EYS: variants seen among roughly 807,000 people sequenced by gnomAD.
The protein encoded by EYS is protein eyes shut homolog.
EYS carries 250 observed loss-of-function variants against 282.1 expected under a neutral mutation model. The observed-to-expected ratio is 0.89, with a 90% CI of 0.80 to 0.98. EYS has a LOEUF of 0.98. EYS is among the 50% of genes least tolerant of loss of function. The pLI is 0.00. For missense variants in EYS, 4,016 were observed against 3,709.0 expected (o/e 1.08, Z -2.15); for synonymous variants, 1,355 against 1,282.9 (o/e 1.06, Z -1.20).
At chr6:65,026,670 C>A (rs552988430) in intron 13 of EYS, among the ~76,000 whole-genome samples, 1 of 152,222 alleles carries the variant, frequency 6.6e-6, no homozygotes, top group South Asian at 2.1e-4. Flanking sequence ...GTAATCCCAG[C>A]ACTTTGGGAG....
intron 2 of EYS, among the ~76,000 whole-genome samples, chr6:65,614,153 A>G (rs1005777581): frequency 1.3e-5 from 2 of 151,996 alleles, no homozygotes; most frequent in Non-Finnish European, 2.9e-5. Context: ...TAATAACTAC[A>G]CATTTCATAA....
At chr6:63,726,005 A>G (rs1037710063) in intron 42 of EYS, among the ~76,000 whole-genome samples, 3 of 152,284 alleles carry the variant, frequency 2.0e-5, no homozygotes, top group African/African-American at 7.2e-5. Context: ...AAATTTTAAA[A>G]CACTAATTGG....
At chr6:64,898,366 G>A (rs575567991) in intron 18 of EYS, among the ~76,000 whole-genome samples, 2 of 152,008 alleles carry the variant, frequency 1.3e-5, no homozygotes, top group African/African-American at 2.4e-5. Flanking sequence ...ATTCACAAGT[G>A]AAGGAGAAAT....
intron 31 of EYS, among the ~76,000 whole-genome samples, chr6:64,116,334 T>G (rs912900554): frequency 4.6e-5 from 7 of 152,064 alleles, no homozygotes; most frequent in Non-Finnish European, 1.0e-4. Context: ...AACTTCGTAG[T>G]CCAGGAAAGA....
At chr6:64,338,152 A>G (rs1179533808) in intron 29 of EYS, among the ~76,000 whole-genome samples, 2 of 152,036 alleles carry the variant, frequency 1.3e-5, no homozygotes, top group East Asian at 3.9e-4. Flanking sequence ...AGAGAAGGAA[A>G]TAAAGGGCAT....
At chr6:64,845,147 C>T (rs1000268546) in intron 19 of EYS, among the ~76,000 whole-genome samples, 3 of 151,816 alleles carry the variant, frequency 2.0e-5, no homozygotes, top group East Asian at 1.9e-4. Flanking sequence ...AAAAATTAGA[C>T]GATTATGGTG....
rs74699189 is a variant in EYS at position 64,875,372 on chromosome 6, T to C, written c.2992+11325A>G. Among the ~76,000 whole-genome samples the C allele has an allele frequency of 1.7e-4, 26 of 152,212 alleles. No homozygotes were observed. The East Asian group carries it at 4.8e-3, about 28-fold the overall frequency. On this transcript the variant is annotated intron_variant, in intron 19 of 42. Transcript: ENST00000503581. Reference sequence around the variant, plus strand: ...GCTTTTGTGATTACATATGGCAATGTAATCTTGTATTTTGAGTTCTCACTT... The same window carrying C: ...GCTTTTGTGATTACATATGGCAATGCAATCTTGTATTTTGAGTTCTCACTT...
intron 1 of EYS, among the ~76,000 whole-genome samples, chr6:65,656,684 C>A (rs1392702372): frequency 3.3e-5 from 5 of 151,856 alleles, no homozygotes; most frequent in African/African-American, 1.2e-4. Context: ...AGAAAGGAGT[C>A]ATTCCTATAA....
rs184463560 is a variant in EYS, at chr6:64,132,598, A to G, written c.6425-50596T>C. 1.1e-4 allele frequency among the ~76,000 whole-genome samples: 16 copies of G among 152,114 alleles called. No individual in the cohort carries two copies. The East Asian group carries it at 3.1e-3, about 29-fold the overall frequency. ...GGGTGAAAGAAAGTGTCTCTCATGT[A>G]AGAAGACAATTACATTTAAGTTATG... On this transcript the variant is annotated intron_variant, in intron 31 of 42. Coordinates refer to ENST00000503581, the MANE Select transcript of EYS (RefSeq NM_001142800.2).
chr6:65,189,138 T>A, intron 12 of EYS, among the ~76,000 whole-genome samples: 1 of 151,678 alleles, frequency 6.6e-6, no homozygotes, highest in East Asian at 1.9e-4. Context: ...AAAAAGGTAA[T>A]GTGAAAATTT....
At chr6:65,132,872 T>TA (rs570959875) in intron 12 of EYS, among the ~76,000 whole-genome samples, 4 of 151,722 alleles carry the variant, frequency 2.6e-5, no homozygotes, top group Admixed American at 2.6e-4. Context: ...AGATTTAGGA[T>TA]AAAAAAACCA....
At chr6:64,957,442 T>C (rs74967091) in intron 14 of EYS, among the ~76,000 whole-genome samples, 5,835 of 151,590 alleles carry the variant, frequency 0.038, 127 homozygotes, top group South Asian at 0.087. Flanking sequence ...GGGTAGTGGA[T>C]GGTTTGGGAG....
At chr6:65,178,473 C>T (rs556172227) in intron 12 of EYS, among the ~76,000 whole-genome samples, 6 of 152,098 alleles carry the variant, frequency 3.9e-5, no homozygotes, top group African/African-American at 1.4e-4. Context: ...AAGGCCATTA[C>T]ATAATGGTAA....
intron 33 of EYS, among the ~76,000 whole-genome samples, chr6:64,011,642 A>G (rs1171310495): frequency 6.8e-6 from 1 of 146,438 alleles, no homozygotes; most frequent in African/African-American, 2.5e-5. Context: ...TTTTCTTTTT[A>G]AGGTACCTAT....
chr6:63,945,468 G>A (rs143740487), intron 35 of EYS, among the ~76,000 whole-genome samples: 4 of 152,206 alleles, frequency 2.6e-5, no homozygotes, highest in African/African-American at 9.6e-5. Context: ...ATATATACAG[G>A]TAGGTTTAGG....
At chr6:64,538,023 T>C (rs188107747) in intron 26 of EYS, among the ~76,000 whole-genome samples, 16 of 152,304 alleles carry the variant, frequency 1.1e-4, no homozygotes, top group South Asian at 8.3e-4. Context: ...GTCTATACCA[T>C]AGATGTCATG....
rs141112897 is a variant in EYS, at chr6:65,382,368, T to C, written c.1299+2018A>G. Among the ~76,000 whole-genome samples, 1,071 of 149,118 alleles carry C rather than the reference T, an allele frequency of 7.2e-3. 9 individuals are homozygous for C. Among genetic ancestry groups the C allele is most frequent in the Non-Finnish European group, 0.01 (691 of 67,002 alleles). ...TTTTTCCATGTGTGTTGTGATAAGA[T>C]GTTCCTTTGTTAGTTAAATTATCTT... On this transcript the variant is annotated intron_variant, in intron 8 of 42. Coordinates refer to ENST00000503581, the MANE Select transcript of EYS (RefSeq NM_001142800.2).
intron 26 of EYS, among the ~76,000 whole-genome samples, chr6:64,561,919 CAAAA>C (rs57111776): frequency 2.3e-5 from 2 of 87,168 alleles, no homozygotes; most frequent in South Asian, 4.1e-4. Context: ...CACATGGAAC[CAAAA>C]AAAAAAAAAA....
chr6:63,928,138 T>G (rs1441110809), intron 35 of EYS, among the ~76,000 whole-genome samples: 1 of 152,214 alleles, frequency 6.6e-6, no homozygotes, highest in African/African-American at 2.4e-5. Flanking sequence ...CTGACGTATT[T>G]TGATGCTTTG....
Sources: gnomAD v4.1 joint callset for allele counts (sites outside exome capture counted in the v4.1 genomes callset) on GRCh38, gnomAD v4.1.1 for gene constraint, MANE v1.5 for transcripts, NCBI Gene and HGNC (gene_info 2026-07-23, HGNC 2026-07-21) for gene names.